Variants in PPARG observed in about 807,000 individuals in gnomAD.
The protein encoded by PPARG is peroxisome proliferator-activated receptor gamma.
A neutral mutation model predicts 39.2 loss-of-function variants in PPARG; 17 were observed. The observed-to-expected ratio is 0.43, with a 90% CI of 0.30 to 0.65. The LOEUF (loss-of-function observed/expected upper bound fraction) is 0.65. PPARG is among the 30% of genes least tolerant of loss of function. PPARG has a pLI of 0.13. For synonymous variants in PPARG, 223 were observed against 215.7 expected (o/e 1.03, Z -0.30); for missense variants, 406 against 585.9 (o/e 0.69, Z 3.17).
intron 2 of PPARG, among the ~76,000 whole-genome samples, chr3:12,352,068 GTT>G (rs2048505807): frequency 6.6e-6 from 1 of 152,112 alleles, no homozygotes; most frequent in Non-Finnish European, 1.5e-5. Flanking sequence ...TCTCATAACT[GTT>G]TTTATCCCTC....
chr3:12,349,320 A>G (rs2048414659), intron 2 of PPARG, among the ~76,000 whole-genome samples: 1 of 152,258 alleles, frequency 6.6e-6, no homozygotes, highest in Non-Finnish European at 1.5e-5. Flanking sequence ...AGATTGGCTC[A>G]TCTATCTTTA....
chr3:12,353,970 G>A (rs2048574702), intron 2 of PPARG, among the ~76,000 whole-genome samples: 1 of 152,160 alleles, frequency 6.6e-6, no homozygotes, highest in African/African-American at 2.4e-5. Context: ...GAAAGATGAT[G>A]ACACACTTGT....
intron 2 of PPARG, among the ~76,000 whole-genome samples, chr3:12,358,260 A>G (rs903140050): frequency 3.3e-5 from 5 of 152,228 alleles, no homozygotes; most frequent in African/African-American, 1.2e-4. Context: ...ATTTATTTGA[A>G]CATCCAAAAC....
At chr3:12,359,888 G>A (rs1559506967) in intron 2 of PPARG, among the ~76,000 whole-genome samples, 1 of 151,948 alleles carries the variant, frequency 6.6e-6, no homozygotes, top group Non-Finnish European at 1.5e-5. Flanking sequence ...TGGCAGGGTG[G>A]TCTCAAACTC....
chr3:12,379,325 A>T (rs1043520162), intron 2 of PPARG, among the ~76,000 whole-genome samples: 1 of 152,160 alleles, frequency 6.6e-6, no homozygotes, highest in African/African-American at 2.4e-5. Context: ...AAGTTTAAAA[A>T]TTTTTGTCTA....
chr3:12,356,783 A>G (rs1197472880), intron 2 of PPARG, among the ~76,000 whole-genome samples: 1 of 152,162 alleles, frequency 6.6e-6, no homozygotes, highest in Non-Finnish European at 1.5e-5. Flanking sequence ...CATTCCAGGC[A>G]TTGGCCTGTC....
Position 12,417,256 on chromosome 3 carries a change from A to C in PPARG, c.1180+102A>C, listed in dbSNP as rs2051095194. 2.6e-6 allele frequency: 3 copies of C among 1,160,768 alleles called. No individual in the cohort carries two copies. In the Admixed American group the frequency reaches 5.9e-5, roughly 23 times the overall value. The allele number at this position is 1,160,768 out of a possible 1,614,324, so 71.9% of individuals were successfully genotyped here. On this transcript the variant is annotated intron_variant, in intron 7 of 7. Transcript: ENST00000651735. ...TAGTGTTAGTCTGCATTGTCACTTT[A>C]AGTGCCAGTGGCATGATGCCATGAA...
rs371939193 is a variant in PPARG, at chr3:12,302,665, G to A, written c.-82-9715G>A. 3.3e-5 allele frequency among the ~76,000 whole-genome samples: 5 copies of A among 152,314 alleles called. No individual in the cohort carries two copies. The East Asian group carries it at 7.7e-4, about 23-fold the overall frequency. On this transcript the variant is annotated intron_variant, in intron 1 of 7. Transcript: ENST00000651735. Reference sequence around the variant, plus strand: ...TTAACCAGTTTGAAGTGGAGAGTGCGTGGATGTGAGTAGTGAGAAACATGG... The same window carrying A: ...TTAACCAGTTTGAAGTGGAGAGTGCATGGATGTGAGTAGTGAGAAACATGG...
intron 1 of PPARG, among the ~76,000 whole-genome samples, chr3:12,295,950 A>G (rs1427680390): frequency 1.3e-5 from 2 of 151,848 alleles, no homozygotes; most frequent in South Asian, 2.1e-4. Context: ...AGGCACTTAA[A>G]TGTTTTAGAA....
At chr3:12,399,214 G>A (rs1394485947) in intron 5 of PPARG, 4 of 387,000 alleles carry the variant, frequency 1.0e-5, no homozygotes, top group Non-Finnish European at 1.5e-5. Flanking sequence ...AGCTGGTGGT[G>A]TTTTGCTCAT....
intron 2 of PPARG, among the ~76,000 whole-genome samples, chr3:12,377,924 T>A (rs2049478602): frequency 6.6e-6 from 1 of 152,096 alleles, no homozygotes; most frequent in African/African-American, 2.4e-5. Flanking sequence ...ACAAACTCAA[T>A]TGCAAGAAAA....
intron 2 of PPARG, chr3:12,327,919 A>T: frequency 3.2e-6 from 2 of 629,238 alleles, no homozygotes; most frequent in South Asian, 3.8e-5. Flanking sequence ...GCACTTTAAA[A>T]GCTCTGTTTT....
In PPARG at chr3:12,378,945, T is replaced by C. The variant is rs140358793; in HGVS notation, c.-8-759T>C. Among the ~76,000 whole-genome samples the C allele has an allele frequency of 3.4e-3, 514 of 152,318 alleles. 2 individuals are homozygous for C. Among genetic ancestry groups the C allele is most frequent in the Middle Eastern group, 6.8e-3 (2 of 294 alleles). On this transcript the variant is annotated intron_variant, in intron 2 of 7. Transcript: ENST00000651735. ...CATAGTAAATACGTATATTAAAACA[T>C]CACATTGAATACCTTAAGTGTTTTG...
chr3:12,297,883 C>T (rs1210609466), intron 1 of PPARG: 1 of 151,942 alleles, frequency 6.6e-6, no homozygotes, highest in Non-Finnish European at 1.5e-5. Flanking sequence ...ACCCAGTTTT[C>T]CTGCTGCTGA....
Position 12,303,297 on chromosome 3 carries a change from A to G in PPARG, c.-82-9083A>G, listed in dbSNP as rs144839505. Among the ~76,000 whole-genome samples, 1,076 of 152,184 alleles carry G rather than the reference A, an allele frequency of 7.1e-3. 10 individuals carry two copies. The highest frequency in any genetic ancestry group is 0.025 in the African/African-American group (1,026 of 41,508). ...CTGAAACCTCCGCTTCCTGGGTTCA[A>G]GCGATTCTCCTGCCTTACCCTCCTG... On this transcript the variant is annotated intron_variant, in intron 1 of 7. Coordinates refer to ENST00000651735, the MANE Select transcript of PPARG (RefSeq NM_138711.6).
intron 4 of PPARG, among the ~76,000 whole-genome samples, chr3:12,387,422 G>A (rs958631714): frequency 5.9e-5 from 9 of 152,204 alleles, no homozygotes; most frequent in Middle Eastern, 6.8e-3. Flanking sequence ...TCTAAGTGGC[G>A]TGAGATGGTA....
intron 2 of PPARG, among the ~76,000 whole-genome samples, chr3:12,355,845 T>C (rs900959994): frequency 6.6e-6 from 1 of 152,232 alleles, no homozygotes; most frequent in Non-Finnish European, 1.5e-5. Flanking sequence ...GTATAAAAAT[T>C]GGTTATTAAA....
chr3:12,296,756 G>A (rs756115812), intron 1 of PPARG, among the ~76,000 whole-genome samples: 1 of 152,124 alleles, frequency 6.6e-6, no homozygotes, highest in East Asian at 1.9e-4. Context: ...TAGTCTCCGC[G>A]TCAAAGACTA....
At chr3:12,404,883 A>C (rs1017084416) in intron 5 of PPARG, among the ~76,000 whole-genome samples, 6 of 152,348 alleles carry the variant, frequency 3.9e-5, no homozygotes, top group African/African-American at 1.4e-4. Flanking sequence ...GACATAAACA[A>C]ATATGACAGT....
Sources: gnomAD v4.1 joint callset for allele counts (sites outside exome capture counted in the v4.1 genomes callset) on GRCh38, gnomAD v4.1.1 for gene constraint, MANE v1.5 for transcripts, NCBI Gene and HGNC (gene_info 2026-07-23, HGNC 2026-07-21) for gene names.